SLC44A1: variants seen among roughly 807,000 people sequenced by gnomAD.
SLC44A1 encodes choline transporter-like protein 1.
In SLC44A1, 26 loss-of-function variants were observed where a neutral mutation model predicts 79.3. That is an observed-to-expected ratio of 0.33 (90% confidence interval 0.24 to 0.46). The LOEUF (loss-of-function observed/expected upper bound fraction) is 0.46, where lower values mean the gene tolerates loss of function less well. Ranked by LOEUF, SLC44A1 falls within the 20% of genes least tolerant of loss-of-function variation. The pLI is 1.00. For synonymous variants in SLC44A1, 263 were observed against 286.2 expected (o/e 0.92, Z 0.82); for missense variants, 688 against 798.1 (o/e 0.86, Z 1.66).
In SLC44A1 at chr9:105,389,088, A is replaced by C; in HGVS notation, c.*32A>C. Reference sequence around the variant, plus strand: ...CCGACGGTTATGGAAACCCATTGACATTCCAAAACAATATATACACATAAC... The same window carrying C: ...CCGACGGTTATGGAAACCCATTGACCTTCCAAAACAATATATACACATAAC... On this transcript the variant is annotated 3_prime_UTR_variant, in exon 16 of 16. Transcript: ENST00000374720. The C allele has an allele frequency of 6.2e-7, 1 of 1,612,460 alleles. No homozygotes were observed. The highest frequency in any genetic ancestry group is 8.5e-7 in the Non-Finnish European group (1 of 1,178,764).
At chr9:105,335,032 C>T (rs1032354933) in intron 3 of SLC44A1, among the ~76,000 whole-genome samples, 2 of 152,060 alleles carry the variant, frequency 1.3e-5, no homozygotes, top group African/African-American at 4.8e-5. Context: ...GTGTATTTCC[C>T]TCTGGTCCCC....
rs946291221 is a variant in SLC44A1 at position 105,395,643 on chromosome 9, C to G, written c.*6587C>G. The G allele has an allele frequency of 1.3e-5, 13 of 985,206 alleles. No individual in the cohort carries two copies. The highest frequency in any genetic ancestry group is 1.6e-5 in the Non-Finnish European group (13 of 829,864). 61.0% of individuals were successfully genotyped at this position (985,206 alleles called of 1,614,324 possible). A position where few individuals can be genotyped will look rare whatever the true frequency, so the allele number is the denominator to read the frequency against. ...CTAAATGTGATATGCCCTTTTGTCA[C>G]AGAAGTGTAAGACTTAAAGGGAATA... is the stretch of plus-strand genomic sequence containing the variant. On this transcript the variant is annotated 3_prime_UTR_variant, in exon 16 of 16. Coordinates refer to ENST00000374720, the MANE Select transcript of SLC44A1 (RefSeq NM_080546.5).
At chr9:105,290,237 C>T (rs1001380584) in intron 1 of SLC44A1, among the ~76,000 whole-genome samples, 5 of 152,084 alleles carry the variant, frequency 3.3e-5, no homozygotes, top group African/African-American at 4.8e-5. Context: ...AGTCAATACA[C>T]CCATTAACAG....
At chr9:105,338,796 T>C (rs1827000143) in intron 4 of SLC44A1, among the ~76,000 whole-genome samples, 1 of 152,248 alleles carries the variant, frequency 6.6e-6, no homozygotes, top group South Asian at 2.1e-4. Flanking sequence ...GTCTGCATGT[T>C]GTTACAGCAT....
rs1564452913 is a variant in SLC44A1, at chr9:105,351,625, AGAGAAAG to A, written c.500+3175_500+3181del. Among the ~76,000 whole-genome samples, 487 of 71,104 alleles carry A rather than the reference AGAGAAAG, an allele frequency of 6.8e-3. 2 individuals are homozygous for A. The highest frequency in any genetic ancestry group is 0.022 in the African/African-American group (395 of 17,702). 46.6% of individuals were successfully genotyped at this position (71,104 alleles called of 152,430 possible). On this transcript the variant is annotated intron_variant, in intron 5 of 15. Coordinates refer to ENST00000374720, the MANE Select transcript of SLC44A1 (RefSeq NM_080546.5). ...AAGAAAGAAAGAAAGAAAGAAAGAG[AGAGAAAG>A]AGAAAGAAAGAAAGAAAGAAAGAAA...
At chr9:105,298,372 G>C (rs894553051) in intron 1 of SLC44A1, among the ~76,000 whole-genome samples, 1 of 152,046 alleles carries the variant, frequency 6.6e-6, no homozygotes, top group African/African-American at 2.4e-5. Flanking sequence ...TTGTTTTTGA[G>C]ATGGAGTTTT....
chr9:105,352,308 A>G (rs1370266018), intron 5 of SLC44A1, among the ~76,000 whole-genome samples: 1 of 152,186 alleles, frequency 6.6e-6, no homozygotes, highest in East Asian at 1.9e-4. Context: ...TTCTAGAGTA[A>G]TTATATGAGA....
At position 105,397,205 on chromosome 9, in the gene SLC44A1, G is replaced by T; in HGVS notation, c.*8149G>T. On this transcript the variant is annotated 3_prime_UTR_variant, in exon 16 of 16. Transcript: ENST00000374720. ...AAATGTTTTTCTTGTGCAGAAATAC[G>T]AACTAGAAAGAAAAGTGCTGATCTA... The T allele has an allele frequency of 1.0e-6, 1 of 985,282 alleles. No homozygotes were observed. 61.0% of individuals were successfully genotyped at this position (985,282 alleles called of 1,614,324 possible).
At chr9:105,362,746 G>A (rs1170369592) in intron 8 of SLC44A1, 75 bp from the exon 9 acceptor site, 41 of 1,179,162 alleles carry the variant, frequency 3.5e-5, no homozygotes, top group Non-Finnish European at 4.6e-5. Context: ...GAAGGGTTAT[G>A]TTAAAAATTT....
intron 1 of SLC44A1, among the ~76,000 whole-genome samples, chr9:105,264,051 T>G (rs541535243): frequency 6.6e-6 from 1 of 152,326 alleles, no homozygotes; most frequent in Admixed American, 6.5e-5. Context: ...AAGATAAAGA[T>G]TGAGCTGTCT....
rs1828869935 is a variant in SLC44A1, at chr9:105,396,047, G to A, written c.*6991G>A. 1.0e-6 allele frequency: 1 copy of A among 985,166 alleles called. No homozygotes were observed. The highest frequency in any genetic ancestry group is 1.2e-6 in the Non-Finnish European group (1 of 829,922). The allele number at this position is 985,166 out of a possible 1,614,324, so 61.0% of individuals were successfully genotyped here. Reference sequence around the variant, plus strand: ...TCCTGTAGTCTGTGCTCAGAACTTGGTTTTTGGCCCCTATTGTTTTTGCCT... The same window carrying A: ...TCCTGTAGTCTGTGCTCAGAACTTGATTTTTGGCCCCTATTGTTTTTGCCT... On this transcript the variant is annotated 3_prime_UTR_variant, in exon 16 of 16. Coordinates refer to ENST00000374720, the MANE Select transcript of SLC44A1 (RefSeq NM_080546.5).
chr9:105,307,513 G>A (rs1310486080), intron 2 of SLC44A1, among the ~76,000 whole-genome samples: 2 of 152,074 alleles, frequency 1.3e-5, no homozygotes, highest in Non-Finnish European at 2.9e-5. Flanking sequence ...ATGTGGTGGT[G>A]CATGCCTGTC....
intron 15 of SLC44A1, chr9:105,386,029 C>G (rs778038370): frequency 3.0e-6 from 3 of 985,296 alleles, no homozygotes; most frequent in Non-Finnish European, 3.6e-6. Flanking sequence ...GTTTCTTAAG[C>G]TATTTTTCAG....
chr9:105,290,830 C>A (rs1375629332), intron 1 of SLC44A1, among the ~76,000 whole-genome samples: 1 of 152,218 alleles, frequency 6.6e-6, no homozygotes, highest in Non-Finnish European at 1.5e-5. Context: ...GCATAAAGTT[C>A]ATGAACTAAG....
intron 1 of SLC44A1, among the ~76,000 whole-genome samples, chr9:105,281,635 G>A (rs944078121): frequency 3.9e-5 from 6 of 152,246 alleles, no homozygotes; most frequent in Middle Eastern, 6.8e-3. Flanking sequence ...TGTTGACATA[G>A]GGCTTCCATC....
intron 15 of SLC44A1, chr9:105,386,087 G>A: frequency 2.0e-6 from 2 of 985,200 alleles, no homozygotes; most frequent in Non-Finnish European, 1.2e-6. Flanking sequence ...CACTCAGTAA[G>A]ACAATCTAGT....
At chr9:105,427,087 C>A (rs533743220) in intron 15 of SLC44A1, among the ~76,000 whole-genome samples, 4 of 152,062 alleles carry the variant, frequency 2.6e-5, no homozygotes, top group African/African-American at 9.7e-5. Context: ...AGGCCCACCG[C>A]GCTCAGCTAA....
chr9:105,416,542 C>T (rs986226528), intron 15 of SLC44A1, among the ~76,000 whole-genome samples: 1 of 152,134 alleles, frequency 6.6e-6, no homozygotes, highest in African/African-American at 2.4e-5. Context: ...GTGTGATCTT[C>T]CAAATCCTCC....
intron 12 of SLC44A1, among the ~76,000 whole-genome samples, chr9:105,371,011 C>T (rs747903685): frequency 5.3e-5 from 8 of 152,176 alleles, no homozygotes; most frequent in Non-Finnish European, 1.2e-4. Context: ...TTGATTATAT[C>T]TTAGAATGTG....
Sources: allele counts gnomAD v4.1 joint callset (sites outside exome capture counted in the v4.1 genomes callset), GRCh38; gene constraint gnomAD v4.1.1; transcripts MANE v1.5; gene names NCBI Gene and HGNC (gene_info 2026-07-23, HGNC 2026-07-21).